Variants in PCDH9 observed in about 807,000 individuals in gnomAD.
PCDH9 encodes the protein protocadherin-9.
Under a neutral mutation model 70.6 loss-of-function variants are expected in PCDH9, and 24 were observed. That is an observed-to-expected ratio of 0.34 (90% CI 0.25 to 0.48). The LOEUF is 0.48. PCDH9 is among the 20% of genes least tolerant of loss of function. The pLI is 0.99. For missense variants in PCDH9, 1,281 were observed against 1,503.6 expected (o/e 0.85, Z 2.45); for synonymous variants, 562 against 558.5 (o/e 1.01, Z -0.09).
intron 4 of PCDH9, among the ~76,000 whole-genome samples, chr13:66,350,138 C>T (rs754171434): frequency 1.6e-4 from 24 of 152,116 alleles, no homozygotes; most frequent in Non-Finnish European, 2.1e-4. Flanking sequence ...GACCTCCACA[C>T]TCATATTTCA....
At chr13:67,080,685 T>C (rs769872007) in intron 2 of PCDH9, among the ~76,000 whole-genome samples, 1 of 152,182 alleles carries the variant, frequency 6.6e-6, no homozygotes, top group Non-Finnish European at 1.5e-5. Flanking sequence ...TCAGAATAGA[T>C]AAAATTAAAG....
At chr13:66,422,576 A>C (rs1957586794) in intron 4 of PCDH9, among the ~76,000 whole-genome samples, 1 of 152,308 alleles carries the variant, frequency 6.6e-6, no homozygotes, top group South Asian at 2.1e-4. Context: ...AACAAAATTA[A>C]TGCAGAAATA....
At chr13:66,339,663 T>C (rs539121420) in intron 4 of PCDH9, among the ~76,000 whole-genome samples, 1 of 152,258 alleles carries the variant, frequency 6.6e-6, no homozygotes, top group African/African-American at 2.4e-5. Context: ...TTATTTTACA[T>C]TAGGAAATAG....
At chr13:67,089,509 T>C (rs1372144780) in intron 2 of PCDH9, among the ~76,000 whole-genome samples, 1 of 151,940 alleles carries the variant, frequency 6.6e-6, no homozygotes, top group East Asian at 1.9e-4. Flanking sequence ...TATATTGCAT[T>C]AGGCCATGAA....
rs574725808 is a variant in PCDH9 at position 67,227,419 on chromosome 13, C to T, written c.1022G>A (p.Arg341Gln). 12 of 1,613,940 alleles carry T rather than the reference C, an allele frequency of 7.4e-6. No individual in the cohort carries two copies. Among genetic ancestry groups the T allele is most frequent in the Admixed American group, 5.0e-5 (3 of 60,016 alleles). ...LASDGSSTPARATVTINVTDV... is the reference protein window; with the variant it reads ...LASDGSSTPAQATVTINVTDV... ...GGTGACATTGATGGTAACCGTTGCTCGAGCAGGAGTGGAGCTGCCGTCACT... is the reference window on the plus strand; with the variant it reads ...GGTGACATTGATGGTAACCGTTGCTTGAGCAGGAGTGGAGCTGCCGTCACT... The change falls in exon 2 of 5, where the codon CGA becomes CAA. Residue 341 changes from arginine to glutamine, a missense_variant. Arg to Gln is a conservative substitution (Grantham distance 43, BLOSUM62 1). Transcript: ENST00000377865. The surrounding 1 kb of genome is among the most constrained non-coding windows in gnomAD (Gnocchi z 4.6).
chr13:66,924,202 A>T (rs1309982430), intron 2 of PCDH9, among the ~76,000 whole-genome samples: 1 of 151,810 alleles, frequency 6.6e-6, no homozygotes, highest in Non-Finnish European at 1.5e-5. Flanking sequence ...ATCAAATCAA[A>T]TCGCTGGTGT....
chr13:66,529,528 T>C (rs1484176007), intron 4 of PCDH9, among the ~76,000 whole-genome samples: 1 of 152,086 alleles, frequency 6.6e-6, no homozygotes, highest in Non-Finnish European at 1.5e-5. Flanking sequence ...CAAAAACTAA[T>C]AACTAAACTG....
At chr13:66,858,428 C>A (rs1343335518) in intron 3 of PCDH9, among the ~76,000 whole-genome samples, 1 of 152,112 alleles carries the variant, frequency 6.6e-6, no homozygotes, top group African/African-American at 2.4e-5. Flanking sequence ...GTATTTCTGT[C>A]TTTTCAAATC....
intron 3 of PCDH9, among the ~76,000 whole-genome samples, chr13:66,788,095 G>T (rs2080107566): frequency 6.6e-6 from 1 of 152,124 alleles, no homozygotes; most frequent in East Asian, 1.9e-4. Flanking sequence ...AAATACCTTG[G>T]GTTAGATAAT....
At chr13:67,172,275 C>T (rs1047248949) in intron 2 of PCDH9, among the ~76,000 whole-genome samples, 1 of 152,150 alleles carries the variant, frequency 6.6e-6, no homozygotes, top group South Asian at 2.1e-4. Flanking sequence ...TCTGCTTAGC[C>T]AAGGCAGAGC....
chr13:67,004,972 A>T (rs1229537696), intron 2 of PCDH9, among the ~76,000 whole-genome samples: 2 of 152,118 alleles, frequency 1.3e-5, no homozygotes, highest in African/African-American at 2.4e-5. Flanking sequence ...AGCAATAAAT[A>T]TTCCTTTCCA....
intron 2 of PCDH9, among the ~76,000 whole-genome samples, chr13:66,934,560 A>AAAAG (rs1347928564): frequency 5.4e-5 from 8 of 149,390 alleles, no homozygotes; most frequent in Non-Finnish European, 1.0e-4. Flanking sequence ...AAAAAAAAGA[A>AAAAG]AAAGAAAAAT....
chr13:66,742,890 T>A (rs1425585347), intron 3 of PCDH9, among the ~76,000 whole-genome samples: 1 of 136,848 alleles, frequency 7.3e-6, no homozygotes, highest in African/African-American at 2.6e-5. Context: ...TTTTACACTG[T>A]TGGTGGGACT....
chr13:66,651,580 A>G (rs973720240), intron 3 of PCDH9, among the ~76,000 whole-genome samples: 10 of 152,086 alleles, frequency 6.6e-5, no homozygotes, highest in African/African-American at 2.4e-4. Context: ...TTTACTAAAC[A>G]TTTATTTAAA....
At chr13:66,422,921 T>C (rs1957594862) in intron 4 of PCDH9, among the ~76,000 whole-genome samples, 1 of 151,884 alleles carries the variant, frequency 6.6e-6, no homozygotes, top group South Asian at 2.1e-4. Flanking sequence ...GCCAGACTAA[T>C]AAAGAAGAAA....
At chr13:66,695,327 GTTTC>G (rs2078546852) in intron 3 of PCDH9, among the ~76,000 whole-genome samples, 1 of 152,140 alleles carries the variant, frequency 6.6e-6, no homozygotes, top group Non-Finnish European at 1.5e-5. Context: ...TTTCAATCCA[GTTTC>G]TTTCAGTAAC....
chr13:66,970,070 A>T (rs1188629402), intron 2 of PCDH9, among the ~76,000 whole-genome samples: 1 of 152,088 alleles, frequency 6.6e-6, no homozygotes. Flanking sequence ...ATGGAAAAAC[A>T]AACCTGCCTC....
intron 3 of PCDH9, among the ~76,000 whole-genome samples, chr13:66,898,310 T>C (rs1350124954): frequency 6.6e-6 from 1 of 152,016 alleles, no homozygotes; most frequent in African/African-American, 2.4e-5. Flanking sequence ...TGTCATTTAC[T>C]AGCCTTGGGG....
intron 2 of PCDH9, among the ~76,000 whole-genome samples, chr13:67,080,228 G>A (rs1304306608): frequency 6.6e-6 from 1 of 151,896 alleles, no homozygotes; most frequent in Non-Finnish European, 1.5e-5. Flanking sequence ...TTTCATATGT[G>A]GAAGATAAAC....
Sources: allele counts gnomAD v4.1 joint callset (sites outside exome capture counted in the v4.1 genomes callset), GRCh38; gene constraint gnomAD v4.1.1; non-coding constraint Gnocchi (gnomAD v3.1); transcripts MANE v1.5; gene names NCBI Gene and HGNC (gene_info 2026-07-23, HGNC 2026-07-21).